Variants in PDZRN3 observed in about 807,000 individuals in gnomAD.
PDZRN3 encodes the protein PDZ domain containing ring finger 3.
Under a neutral mutation model 85.7 loss-of-function variants are expected in PDZRN3, and 38 were observed. The observed-to-expected ratio is 0.44, with a 90% confidence interval of 0.34 to 0.58. The LOEUF is 0.58. Among genes scored for constraint, PDZRN3 ranks in the 20% least tolerant of loss-of-function variants. The probability of loss-of-function intolerance (pLI) is 0.01; values close to 1 mark genes in which losing one functional copy is unlikely to be tolerated. For synonymous variants in PDZRN3, 759 were observed against 638.0 expected (o/e 1.19, Z -2.86); for missense variants, 1,629 against 1,506.4 (o/e 1.08, Z -1.35).
chr3:73,564,700 T>G (rs1701906779), intron 3 of PDZRN3, among the ~76,000 whole-genome samples: 1 of 152,114 alleles, frequency 6.6e-6, no homozygotes, highest in South Asian at 2.1e-4. Context: ...CCCCAATAAT[T>G]AGTGGTAAGC....
At chr3:73,390,548 G>A (rs74533773) in intron 6 of PDZRN3, among the ~76,000 whole-genome samples, 2,422 of 152,034 alleles carry the variant, frequency 0.016, 80 homozygotes, top group African/African-American at 0.055. Flanking sequence ...TCAAAACAGC[G>A]TGCATCTATG....
intron 3 of PDZRN3, among the ~76,000 whole-genome samples, chr3:73,572,688 G>T (rs1207156299): frequency 2.0e-5 from 3 of 152,158 alleles, no homozygotes; most frequent in Non-Finnish European, 4.4e-5. Context: ...ACTGTCCAGA[G>T]ACAGCAACAA....
intron 3 of PDZRN3, among the ~76,000 whole-genome samples, chr3:73,563,290 C>T (rs1391696320): frequency 1.3e-5 from 2 of 151,316 alleles, no homozygotes; most frequent in Admixed American, 1.3e-4. Context: ...CCGCCTCGGC[C>T]CCCCAAAGTG....
chr3:73,385,808 C>G, intron 8 of PDZRN3, 23 bp from the exon 9 acceptor site: 1 of 1,326,038 alleles, frequency 7.5e-7, no homozygotes. Context: ...GCAGCCAACA[C>G]ATGCCTTAGA....
chr3:73,485,995 A>T (rs950643921), intron 3 of PDZRN3, among the ~76,000 whole-genome samples: 1 of 152,248 alleles, frequency 6.6e-6, no homozygotes. Context: ...TTTTAAAGCT[A>T]TTAGCAATGC....
chr3:73,455,605 C>T (rs1397764087), intron 3 of PDZRN3, among the ~76,000 whole-genome samples: 1 of 152,226 alleles, frequency 6.6e-6, no homozygotes, highest in Non-Finnish European at 1.5e-5. Context: ...ACTTGCAAAA[C>T]AGATATTATA....
intron 3 of PDZRN3, among the ~76,000 whole-genome samples, chr3:73,502,446 T>C (rs1037964845): frequency 6.6e-6 from 1 of 152,244 alleles, no homozygotes; most frequent in East Asian, 1.9e-4. Flanking sequence ...GAAAAGATAC[T>C]GAGTTCTCCA....
intron 3 of PDZRN3, among the ~76,000 whole-genome samples, chr3:73,458,967 G>A (rs1029890754): frequency 8.7e-5 from 13 of 150,172 alleles, no homozygotes; most frequent in African/African-American, 2.5e-4. Context: ...ACTCCAGCCC[G>A]GGCAACAGAG....
chr3:73,470,676 T>C (rs1034253152), intron 3 of PDZRN3, among the ~76,000 whole-genome samples: 1 of 152,168 alleles, frequency 6.6e-6, no homozygotes, highest in Admixed American at 6.5e-5. Flanking sequence ...TGCACAGACA[T>C]ACAGAGAAGC....
At chr3:73,522,065 C>T (rs1575706813) in intron 3 of PDZRN3, among the ~76,000 whole-genome samples, 1 of 152,206 alleles carries the variant, frequency 6.6e-6, no homozygotes, top group South Asian at 2.1e-4. Flanking sequence ...TCAAATTTCA[C>T]TGTCCATAAA....
intron 5 of PDZRN3, among the ~76,000 whole-genome samples, chr3:73,393,526 C>T (rs1035974228): frequency 3.3e-5 from 5 of 152,056 alleles, no homozygotes; most frequent in African/African-American, 9.7e-5. Flanking sequence ...TGTTGGTGAA[C>T]GCGTCGCAGA....
intron 3 of PDZRN3, among the ~76,000 whole-genome samples, chr3:73,410,294 G>A (rs1701940447): frequency 6.6e-6 from 1 of 152,152 alleles, no homozygotes; most frequent in Admixed American, 6.5e-5. Context: ...CTAAAATGCA[G>A]GTATTATGGC....
chr3:73,613,497 C>T (rs895591218), intron 1 of PDZRN3, among the ~76,000 whole-genome samples: 3 of 151,960 alleles, frequency 2.0e-5, no homozygotes, highest in African/African-American at 7.3e-5. Context: ...GTACAGGGTA[C>T]TTGGGGATTG....
rs568144230 is a variant in PDZRN3 at position 73,454,157 on chromosome 3, A to C, written c.919-49762T>G. The stretch of plus-strand genomic sequence containing the variant: ...TAGATGATGGTATCCCCTGGGCAGG[A>C]GAGGAGGCCTGGGATTCCTACCCCT... On this transcript the variant is annotated intron_variant, in intron 3 of 9. Transcript: ENST00000263666. Among the ~76,000 whole-genome samples the C allele has an allele frequency of 1.2e-4, 18 of 152,308 alleles. No individual in the cohort carries two copies. In the South Asian group the frequency reaches 3.7e-3, roughly 32 times the overall value.
intron 3 of PDZRN3, among the ~76,000 whole-genome samples, chr3:73,513,079 G>C (rs527871573): frequency 6.6e-6 from 1 of 152,178 alleles, no homozygotes. Context: ...GGAGGCTGCA[G>C]CCACAGCCTC....
chr3:73,385,188 G>A lies in PDZRN3; in HGVS notation c.1636-258C>T, dbSNP rs562135594. Among the ~76,000 whole-genome samples, 25 of 152,270 alleles carry A rather than the reference G, an allele frequency of 1.6e-4. No homozygotes were observed. In the South Asian group the frequency reaches 3.7e-3, roughly 23 times the overall value. ...TAATAGTCACTTTATCTCAATGAAT[G>A]ATTCTCAATGATTCTGTTAAATGAA... is the stretch of plus-strand genomic sequence containing the variant. On this transcript the variant is annotated intron_variant, in intron 9 of 9. Transcript: ENST00000263666.
At chr3:73,577,204 C>T (rs747965399) in intron 3 of PDZRN3, among the ~76,000 whole-genome samples, 2 of 152,080 alleles carry the variant, frequency 1.3e-5, no homozygotes, top group African/African-American at 4.8e-5. Flanking sequence ...CTTTTCAGAA[C>T]GATGAATCTA....
chr3:73,564,417 T>C (rs937761994), intron 3 of PDZRN3, among the ~76,000 whole-genome samples: 1 of 152,190 alleles, frequency 6.6e-6, no homozygotes, highest in Non-Finnish European at 1.5e-5. Flanking sequence ...GGCCAGGATC[T>C]CAACCTCTGC....
chr3:73,421,253 G>A (rs55680409), intron 3 of PDZRN3, among the ~76,000 whole-genome samples: 11,994 of 152,164 alleles, frequency 0.079, 830 homozygotes, highest in African/African-American at 0.19. Context: ...TAACACCCTA[G>A]GAGAAACAGC....
Sources: allele counts gnomAD v4.1 joint callset (sites outside exome capture counted in the v4.1 genomes callset), GRCh38; gene constraint gnomAD v4.1.1; transcripts MANE v1.5; gene names NCBI Gene and HGNC (gene_info 2026-07-23, HGNC 2026-07-21).